PLCB1: variants seen among roughly 807,000 people sequenced by gnomAD.
PLCB1 encodes the protein phospholipase C beta 1, also known as 1-phosphatidylinositol 4,5-bisphosphate phosphodiesterase beta-1.
In PLCB1, 46 loss-of-function variants were observed where a neutral mutation model predicts 161.8. The ratio of observed to expected loss-of-function variants is 0.28; its 90% CI spans 0.22 to 0.36. The LOEUF is 0.36. PLCB1 is among the 10% of genes least tolerant of loss of function. The pLI, the probability that PLCB1 is intolerant of heterozygous loss-of-function variation, is 1.00. For synonymous variants in PLCB1, 517 were observed against 503.7 expected, an observed-to-expected ratio of 1.03 and a Z score of -0.35; for missense variants, 1,016 against 1,472.5, an observed-to-expected ratio of 0.69 and a Z score of 5.07.
At chr20:8,551,757 C>G (rs1184090223) in intron 3 of PLCB1, among the ~76,000 whole-genome samples, 1 of 152,152 alleles carries the variant, frequency 6.6e-6, no homozygotes, top group Non-Finnish European at 1.5e-5. Flanking sequence ...CTTATTGGCT[C>G]TTTTCCATCC....
rs1979301464 is a variant in PLCB1, at chr20:8,716,209, A to C, written c.1251-55A>C. The C allele has an allele frequency of 4.7e-6, 6 of 1,270,742 alleles. No homozygotes were observed. The South Asian group carries it at 7.2e-5, about 15-fold the overall frequency. 78.7% of individuals were successfully genotyped at this position (1,270,742 alleles called of 1,614,324 possible). A position where few individuals can be genotyped will look rare whatever the true frequency, so the allele number is the denominator to read the frequency against. On this transcript the variant is annotated intron_variant, in intron 12 of 31. Coordinates refer to ENST00000338037, the MANE Select transcript of PLCB1 (RefSeq NM_015192.4). Reference sequence around the variant, plus strand: ...TTAATAACACAAAGCAATCCTGTTCAGGTTCTTTGGATAAGCCTCCCTACT... The same window carrying C: ...TTAATAACACAAAGCAATCCTGTTCCGGTTCTTTGGATAAGCCTCCCTACT...
At chr20:8,446,662 C>A (rs908992467) in intron 3 of PLCB1, among the ~76,000 whole-genome samples, 1 of 152,118 alleles carries the variant, frequency 6.6e-6, no homozygotes, top group Non-Finnish European at 1.5e-5. Flanking sequence ...AAAACCCAAT[C>A]GTCTCAGACC....
At chr20:8,669,467 G>T (rs1343621077) in intron 9 of PLCB1, among the ~76,000 whole-genome samples, 2 of 152,192 alleles carry the variant, frequency 1.3e-5, no homozygotes, top group Non-Finnish European at 2.9e-5. Flanking sequence ...GAGTTGAGAG[G>T]TAAGTCTAAA....
chr20:8,836,793 G>T (rs141614876), intron 31 of PLCB1, among the ~76,000 whole-genome samples: 5 of 152,272 alleles, frequency 3.3e-5, no homozygotes, highest in Admixed American at 1.3e-4. Flanking sequence ...ATCGAACAAA[G>T]AATGAGCTCA....
intron 12 of PLCB1, among the ~76,000 whole-genome samples, chr20:8,714,117 G>A (rs189797890): frequency 3.2e-4 from 48 of 152,106 alleles, no homozygotes; most frequent in Admixed American, 8.5e-4. Context: ...TTAATCAATC[G>A]CAGTGGTTTT....
intron 2 of PLCB1, among the ~76,000 whole-genome samples, chr20:8,269,160 G>A (rs180925072): frequency 4.1e-4 from 63 of 152,076 alleles, no homozygotes; most frequent in African/African-American, 1.4e-3. Flanking sequence ...AGGTATACAC[G>A]TGCCATGGTG....
intron 4 of PLCB1, among the ~76,000 whole-genome samples, chr20:8,631,271 A>G (rs1359113373): frequency 2.0e-5 from 3 of 152,126 alleles, no homozygotes; most frequent in Non-Finnish European, 1.5e-5. Flanking sequence ...CACTTTGACA[A>G]TCTCTTCCTT....
intron 3 of PLCB1, among the ~76,000 whole-genome samples, chr20:8,565,656 C>T (rs1435806613): frequency 2.0e-5 from 3 of 151,946 alleles, no homozygotes; most frequent in Non-Finnish European, 2.9e-5. Flanking sequence ...GGAAATGTAA[C>T]CAGCTAGAAG....
chr20:8,152,002 A>G (rs191521182), intron 2 of PLCB1, among the ~76,000 whole-genome samples: 105 of 152,238 alleles, frequency 6.9e-4, no homozygotes, highest in Admixed American at 1.2e-3. Context: ...ACCCATGCTT[A>G]TTTTCAAAGG....
intron 2 of PLCB1, among the ~76,000 whole-genome samples, chr20:8,234,293 A>C (rs1046503919): frequency 1.3e-5 from 2 of 152,158 alleles, no homozygotes; most frequent in African/African-American, 4.8e-5. Context: ...CCAGAAGGTT[A>C]AAGTAATAAT....
At chr20:8,756,341 C>A (rs940778641) in intron 23 of PLCB1, among the ~76,000 whole-genome samples, 8 of 152,204 alleles carry the variant, frequency 5.3e-5, no homozygotes, top group Non-Finnish European at 7.3e-5. Flanking sequence ...CAAAATCACA[C>A]TGCTGGTAAA....
chr20:8,757,269 A>G, intron 24 of PLCB1, 91 bp downstream of exon 24: 4 of 1,339,392 alleles, frequency 3.0e-6, no homozygotes, highest in Non-Finnish European at 4.0e-6. Context: ...GGGTAGCTAA[A>G]GCATCAAGTG....
At chr20:8,274,346 T>C (rs1170723363) in intron 2 of PLCB1, among the ~76,000 whole-genome samples, 1 of 152,208 alleles carries the variant, frequency 6.6e-6, no homozygotes, top group Non-Finnish European at 1.5e-5. Flanking sequence ...AAACTAATTA[T>C]ACAGATACTA....
At chr20:8,148,086 A>T (rs2123028278) in intron 1 of PLCB1, among the ~76,000 whole-genome samples, 1 of 152,172 alleles carries the variant, frequency 6.6e-6, no homozygotes, top group South Asian at 2.1e-4. Flanking sequence ...GAATTTTGTC[A>T]GATGCTCTGA....
At chr20:8,846,166 C>T (rs1986683779) in intron 31 of PLCB1, among the ~76,000 whole-genome samples, 2 of 152,172 alleles carry the variant, frequency 1.3e-5, no homozygotes, top group Admixed American at 1.3e-4. Context: ...GGGAAGCAGG[C>T]ACTTCTTACA....
At chr20:8,861,235 T>A (rs1482614770) in intron 31 of PLCB1, among the ~76,000 whole-genome samples, 1 of 152,244 alleles carries the variant, frequency 6.6e-6, no homozygotes, top group African/African-American at 2.4e-5. Flanking sequence ...GCAAACATAC[T>A]TGTATAAAGC....
chr20:8,759,592 C>G (rs1981908679), intron 24 of PLCB1, among the ~76,000 whole-genome samples: 1 of 152,136 alleles, frequency 6.6e-6, no homozygotes. Flanking sequence ...CCTCTGCCTC[C>G]TGGGTTCAAG....
intron 2 of PLCB1, among the ~76,000 whole-genome samples, chr20:8,263,358 G>T (rs995235733): frequency 6.6e-6 from 1 of 152,024 alleles, no homozygotes; most frequent in African/African-American, 2.4e-5. Flanking sequence ...AGTTTTAATT[G>T]GTTCAATATT....
In PLCB1 at chr20:8,325,150, G is replaced by A. The variant is rs567187599; in HGVS notation, c.178-46232G>A. Among the ~76,000 whole-genome samples, 22 of 152,304 alleles carry A rather than the reference G, an allele frequency of 1.4e-4. 1 individual carries two copies. Among genetic ancestry groups the A allele is most frequent in the African/African-American group, 4.3e-4 (18 of 41,578 alleles). On this transcript the variant is annotated intron_variant, in intron 2 of 31. Coordinates refer to ENST00000338037, the MANE Select transcript of PLCB1 (RefSeq NM_015192.4). Reference sequence around the variant, plus strand: ...AGAAAGGACATTTCAGAGATGCTCTGCAATAAAGAAGTGACTGAAAACTAT... The same window carrying A: ...AGAAAGGACATTTCAGAGATGCTCTACAATAAAGAAGTGACTGAAAACTAT...
Sources: gnomAD v4.1 joint callset for allele counts (sites outside exome capture counted in the v4.1 genomes callset) on GRCh38, gnomAD v4.1.1 for gene constraint, MANE v1.5 for transcripts, NCBI Gene and HGNC (gene_info 2026-07-23, HGNC 2026-07-21) for gene names.